TULP4: variants seen among roughly 807,000 people sequenced by gnomAD.
TULP4 encodes the protein TUB like protein 4.
TULP4 carries 16 observed loss-of-function variants against 129.0 expected under a neutral mutation model. That is an observed-to-expected ratio of 0.12 (90% CI 0.08 to 0.19). TULP4 has a LOEUF of 0.19. Ranked by LOEUF, TULP4 falls within the 10% of genes least tolerant of loss-of-function variation. The pLI is 1.00. For missense variants in TULP4, 1,842 were observed against 2,059.1 expected, an observed-to-expected ratio of 0.89 and a Z score of 2.04; for synonymous variants, 998 against 854.0, an observed-to-expected ratio of 1.17 and a Z score of -2.94.
intron 1 of TULP4, among the ~76,000 whole-genome samples, chr6:158,340,910 A>C (rs1780164869): frequency 6.6e-6 from 1 of 152,182 alleles, no homozygotes. Context: ...AGCAAGACTG[A>C]GGAGTTAAAG....
chr6:158,486,507 C>T (rs1008278782), intron 8 of TULP4, among the ~76,000 whole-genome samples: 14 of 152,034 alleles, frequency 9.2e-5, no homozygotes, highest in East Asian at 5.8e-4. Flanking sequence ...GAGCCGAGAT[C>T]GCGCCACTGC....
rs142767753 is a variant in TULP4 at position 158,318,143 on chromosome 6, A to T, written c.252+3875A>T. On this transcript the variant is annotated intron_variant, in intron 1 of 13. Transcript: ENST00000367097. The stretch of plus-strand genomic sequence containing the variant: ...CTCTGATGCATTTTTACTTTTAGTT[A>T]ATTTCTGTTCCTCATATTAGAATCT... Among the ~76,000 whole-genome samples, 847 of 152,150 alleles carry T rather than the reference A, an allele frequency of 5.6e-3. 31 individuals are homozygous for T. Among genetic ancestry groups the T allele is most frequent in the Admixed American group, 0.05 (771 of 15,268 alleles).
At chr6:158,435,910 C>T (rs933216380) in intron 3 of TULP4, among the ~76,000 whole-genome samples, 9 of 150,550 alleles carry the variant, frequency 6.0e-5, no homozygotes, top group African/African-American at 1.7e-4. Flanking sequence ...AATCCTTTAT[C>T]CCCTAAACTG....
In TULP4 at chr6:158,293,860, T is replaced by G. The variant is rs1778984667; in HGVS notation, n.116+11482T>G. Among the ~76,000 whole-genome samples the G allele has an allele frequency of 2.6e-5, 4 of 152,254 alleles. No individual in the cohort carries two copies. The South Asian group carries it at 8.3e-4, about 32-fold the overall frequency. ...CCTTTGCAGGGATGTTAGTTTCTTC[T>G]GGATGTATGTGTTTCCCTGCGTTTG... On this transcript the variant is annotated intron_variant and non_coding_transcript_variant, in intron 1 of 1. Coordinates refer to the TULP4 transcript ENST00000432358.
chr6:158,328,117 TGTGTGTGTGTGCGTGC>T lies in TULP4; in HGVS notation c.252+13853_252+13868del, dbSNP rs1224477265. Among the ~76,000 whole-genome samples, 261 of 77,692 alleles carry T rather than the reference TGTGTGTGTGTGCGTGC, an allele frequency of 3.4e-3. 4 individuals are homozygous for T. The highest frequency in any genetic ancestry group is 7.9e-3 in the African/African-American group (203 of 25,758). The allele number at this position is 77,692 out of a possible 152,430, so 51.0% of individuals were successfully genotyped here. The stretch of plus-strand genomic sequence containing the variant: ...GTGTGTGTGTGTGTGTGTGTGTGTG[TGTGTGTGTGTGCGTGC>T]GTGCTGGGAAAGAGGTAGACCTAGT... On this transcript the variant is annotated intron_variant, in intron 1 of 13. Coordinates refer to ENST00000367097, the MANE Select transcript of TULP4 (RefSeq NM_020245.5).
intron 3 of TULP4, chr6:158,437,730 G>A (rs1778783779): frequency 1.3e-5 from 2 of 152,186 alleles, no homozygotes; most frequent in Non-Finnish European, 2.9e-5. Context: ...AGTCATGACT[G>A]AAGTACAATT....
intron 1 of TULP4, among the ~76,000 whole-genome samples, chr6:158,403,513 T>C (rs1168237601): frequency 6.6e-6 from 1 of 152,168 alleles, no homozygotes; most frequent in Admixed American, 6.5e-5. Context: ...CTAATTTTTG[T>C]ATTTTTAGTA....
chr6:158,416,309 G>A (rs764981261), intron 2 of TULP4, among the ~76,000 whole-genome samples: 18 of 152,178 alleles, frequency 1.2e-4, no homozygotes, highest in Admixed American at 2.0e-4. Flanking sequence ...GTCCAGTCAA[G>A]TTTGACACTC....
At chr6:158,317,866 G>A (rs962801574) in intron 1 of TULP4, among the ~76,000 whole-genome samples, 11 of 152,112 alleles carry the variant, frequency 7.2e-5, no homozygotes, top group African/African-American at 2.4e-4. Flanking sequence ...GGTGTGAGAT[G>A]GTATCTCATT....
chr6:158,241,057 A>G (rs1396966152), intron 1 of TULP4, among the ~76,000 whole-genome samples: 2 of 122,036 alleles, frequency 1.6e-5, no homozygotes, highest in East Asian at 2.6e-4. Context: ...GACGCTCCTC[A>G]CCTCCCAGAC....
intron 1 of TULP4, 85 bp from the exon 2 acceptor site, chr6:158,412,980 T>A: frequency 2.7e-6 from 4 of 1,500,738 alleles, no homozygotes; most frequent in Non-Finnish European, 3.6e-6. Flanking sequence ...GCATTCTAAT[T>A]AGTTCAAGTC....
chr6:158,259,037 C>A lies in TULP4; in HGVS notation n.68+26734C>A, dbSNP rs1342424331. ...CTGAGGTCAGGAGTTCGAGAACAGC[C>A]TGGCCAATATGGTGAAACCCCACCT... On this transcript the variant is annotated intron_variant and non_coding_transcript_variant, in intron 1 of 1. Transcript: ENST00000620026. Among the ~76,000 whole-genome samples the A allele has an allele frequency of 1.3e-5, 2 of 152,128 alleles. 1 individual carries two copies. Among genetic ancestry groups the A allele is most frequent in the African/African-American group, 4.8e-5 (2 of 41,412 alleles).
At chr6:158,274,951 A>T (rs535314154) in intron 1 of TULP4, among the ~76,000 whole-genome samples, 1 of 152,254 alleles carries the variant, frequency 6.6e-6, no homozygotes, top group South Asian at 2.1e-4. Flanking sequence ...CCTTTTATTG[A>T]TCTCTTCCAT....
At chr6:158,235,457 G>A (rs571190492) in intron 1 of TULP4, among the ~76,000 whole-genome samples, 10 of 152,228 alleles carry the variant, frequency 6.6e-5, no homozygotes, top group African/African-American at 2.2e-4. Flanking sequence ...TTCACTTAGC[G>A]TGATATCCTC....
At chr6:158,410,278 T>G (rs1778064716) in intron 1 of TULP4, among the ~76,000 whole-genome samples, 1 of 152,236 alleles carries the variant, frequency 6.6e-6, no homozygotes, top group African/African-American at 2.4e-5. Context: ...TTTAAAAATA[T>G]GTTTTGCCTC....
chr6:158,426,937 T>C (rs934938001), intron 2 of TULP4, among the ~76,000 whole-genome samples: 2 of 152,240 alleles, frequency 1.3e-5, no homozygotes, highest in Non-Finnish European at 2.9e-5. Context: ...ATCCTTCACC[T>C]CACTGGTTAT....
At chr6:158,306,374 T>C (rs907991984) in intron 1 of TULP4, among the ~76,000 whole-genome samples, 10 of 152,248 alleles carry the variant, frequency 6.6e-5, no homozygotes, top group African/African-American at 9.6e-5. Flanking sequence ...CTGGGCAACA[T>C]TGGGAAACCC....
chr6:158,409,901 G>T (rs1778054915), intron 1 of TULP4, among the ~76,000 whole-genome samples: 1 of 152,054 alleles, frequency 6.6e-6, no homozygotes, highest in South Asian at 2.1e-4. Flanking sequence ...TGTCGCCCAG[G>T]CTGGAGTGCA....
At chr6:158,437,562 A>G (rs341106) in intron 3 of TULP4, among the ~76,000 whole-genome samples, 67,393 of 152,008 alleles carry the variant, frequency 0.44, 15,651 homozygotes, top group African/African-American at 0.58. Flanking sequence ...CCGGTCTCAA[A>G]TAAAATAAAA....
Sources: gnomAD v4.1 joint callset for allele counts (sites outside exome capture counted in the v4.1 genomes callset) on GRCh38, gnomAD v4.1.1 for gene constraint, MANE v1.5 for transcripts, NCBI Gene and HGNC (gene_info 2026-07-23, HGNC 2026-07-21) for gene names.